The following NR6A1 variants were observed in gnomAD, a reference collection of about 807,000 sequenced individuals.
NR6A1 encodes nuclear receptor subfamily 6 group A member 1.
A neutral mutation model predicts 59.1 loss-of-function variants in NR6A1; 7 were observed. That is an observed-to-expected ratio of 0.12 (90% CI 0.07 to 0.22). The LOEUF (loss-of-function observed/expected upper bound fraction) is 0.22, where lower values mean the gene tolerates loss of function less well. Among genes scored for constraint, NR6A1 ranks in the 10% least tolerant of loss-of-function variants. The pLI is 1.00. For missense variants in NR6A1, 468 were observed against 611.6 expected (o/e 0.77, Z 2.48); for synonymous variants, 243 against 236.1 (o/e 1.03, Z -0.27).
At chr9:124,759,996 C>T (rs989586862) in intron 1 of NR6A1, among the ~76,000 whole-genome samples, 7 of 150,674 alleles carry the variant, frequency 4.6e-5, no homozygotes, top group African/African-American at 1.7e-4. Context: ...GCCAAGATCG[C>T]ACCACTGCAC....
intron 2 of NR6A1, among the ~76,000 whole-genome samples, chr9:124,603,402 G>GT (rs1300914996): frequency 2.6e-5 from 4 of 152,078 alleles, no homozygotes; most frequent in Admixed American, 2.0e-4. Flanking sequence ...CTCACGACAG[G>GT]TTTTTTCCCC....
intron 2 of NR6A1, chr9:124,598,966 T>C (rs1026393930): frequency 2.2e-5 from 16 of 719,680 alleles, no homozygotes; most frequent in Non-Finnish European, 2.9e-5. Context: ...CCACGTTGGG[T>C]TTCAGCTCCA....
intron 2 of NR6A1, among the ~76,000 whole-genome samples, chr9:124,559,794 A>G (rs942268114): frequency 2.0e-5 from 3 of 152,144 alleles, no homozygotes; most frequent in African/African-American, 7.2e-5. Context: ...AATAATAATA[A>G]TAATAATGGA....
At chr9:124,655,856 C>CT (rs1837242370) in intron 2 of NR6A1, among the ~76,000 whole-genome samples, 1 of 152,184 alleles carries the variant, frequency 6.6e-6, no homozygotes, top group Admixed American at 6.5e-5. Context: ...TCAAGAAAAA[C>CT]TGTCTTGATA....
At chr9:124,708,296 T>G (rs976649763) in intron 2 of NR6A1, among the ~76,000 whole-genome samples, 1 of 152,200 alleles carries the variant, frequency 6.6e-6, no homozygotes, top group Non-Finnish European at 1.5e-5. Flanking sequence ...CCCACCCTGG[T>G]TGAACTACTG....
At chr9:124,572,332 T>G (rs1834460154) in intron 2 of NR6A1, among the ~76,000 whole-genome samples, 1 of 152,252 alleles carries the variant, frequency 6.6e-6, no homozygotes, top group Admixed American at 6.5e-5. Flanking sequence ...AATGGCCTGG[T>G]ATGGCAATCA....
chr9:124,616,279 G>A (rs1410862388), intron 2 of NR6A1, among the ~76,000 whole-genome samples: 1 of 151,290 alleles, frequency 6.6e-6, no homozygotes, highest in African/African-American at 2.4e-5. Flanking sequence ...GCGCATGCCT[G>A]TAATCCCAAG....
intron 2 of NR6A1, chr9:124,599,700 C>G: frequency 1.6e-6 from 1 of 632,052 alleles, no homozygotes; most frequent in Non-Finnish European, 2.2e-6. Flanking sequence ...TTATGAATGG[C>G]AGAACCTTAG....
chr9:124,608,343 CTG>C (rs1033108205), intron 2 of NR6A1, among the ~76,000 whole-genome samples: 8 of 151,842 alleles, frequency 5.3e-5, no homozygotes, highest in African/African-American at 1.7e-4. Flanking sequence ...CTCCCTGTGT[CTG>C]TGTGTTCACG....
intron 2 of NR6A1, among the ~76,000 whole-genome samples, chr9:124,605,795 T>C (rs1835561621): frequency 1.3e-5 from 2 of 152,176 alleles, no homozygotes; most frequent in Non-Finnish European, 2.9e-5. Flanking sequence ...TTATACTACT[T>C]TGTATTTCTA....
intron 2 of NR6A1, among the ~76,000 whole-genome samples, chr9:124,599,775 A>T (rs890814426): frequency 1.1e-4 from 16 of 152,218 alleles, no homozygotes; most frequent in African/African-American, 3.9e-4. Context: ...AAGCTCAAAG[A>T]AAGGAAGAGG....
intron 2 of NR6A1, among the ~76,000 whole-genome samples, chr9:124,696,859 T>C (rs1838781338): frequency 6.6e-6 from 1 of 152,162 alleles, no homozygotes; most frequent in East Asian, 1.9e-4. Context: ...GATTTTGCCA[T>C]GTGGCCCAGG....
rs890375625 is a variant in NR6A1, at chr9:124,670,531, T to C, written c.142+62777A>G. On this transcript the variant is annotated intron_variant, in intron 2 of 9. Transcript: ENST00000487099. ...ATTAAATTATTATATTCTGACATTA[T>C]GTCTCCAGGTTAGCTCCACGCAGAG... Among the ~76,000 whole-genome samples the C allele has an allele frequency of 3.3e-5, 5 of 149,324 alleles. No homozygotes were observed. The East Asian group carries it at 5.8e-4, about 17-fold the overall frequency.
chr9:124,756,987 A>G (rs964165333), intron 1 of NR6A1, among the ~76,000 whole-genome samples: 1 of 152,018 alleles, frequency 6.6e-6, no homozygotes, highest in Non-Finnish European at 1.5e-5. Flanking sequence ...GCCAGAATCA[A>G]AAAGAAAAAA....
intron 2 of NR6A1, among the ~76,000 whole-genome samples, chr9:124,571,162 T>TA (rs1369592574): frequency 1.3e-5 from 2 of 152,148 alleles, no homozygotes; most frequent in Non-Finnish European, 2.9e-5. Flanking sequence ...AACTGAGCCT[T>TA]AGAGTAGAAG....
chr9:124,768,332 TA>T (rs796553193), intron 1 of NR6A1, among the ~76,000 whole-genome samples: 9 of 152,344 alleles, frequency 5.9e-5, no homozygotes, highest in African/African-American at 2.2e-4. Context: ...CAGTTTCATA[TA>T]TTTTTGGAGA....
chr9:124,536,085 G>A lies in NR6A1; in HGVS notation c.872C>T (p.Ala291Val), dbSNP rs1187526480. The A allele has an allele frequency of 6.2e-7, 1 of 1,614,128 alleles. No homozygotes were observed. The highest frequency in any genetic ancestry group is 8.5e-7 in the Non-Finnish European group (1 of 1,179,974). ...AATCTGCCTAAAGAGCAGCTCGTCG[G>A]CCAGGCGGCAAAGCAGGGCAAATAG... ...AELFALLCRL[A>V]DELLFRQIAW... Residue 291 changes from alanine (A) to valine (V), a missense_variant, in exon 7 of 10, where the codon GCC (alanine) becomes GTC (valine). Transcript: ENST00000487099.
chr9:124,650,021 C>T (rs1837051253), intron 2 of NR6A1, among the ~76,000 whole-genome samples: 1 of 152,160 alleles, frequency 6.6e-6, no homozygotes, highest in South Asian at 2.1e-4. Context: ...TTATGGAAAA[C>T]AGTATGGAAG....
chr9:124,744,641 G>C (rs1840273624), intron 1 of NR6A1, among the ~76,000 whole-genome samples: 1 of 152,182 alleles, frequency 6.6e-6, no homozygotes, highest in Non-Finnish European at 1.5e-5. Context: ...CACCTTACTT[G>C]AGCCCATTTA....
Sources: allele counts gnomAD v4.1 joint callset (sites outside exome capture counted in the v4.1 genomes callset), GRCh38; gene constraint gnomAD v4.1.1; transcripts MANE v1.5; gene names NCBI Gene and HGNC (gene_info 2026-07-23, HGNC 2026-07-21).